Variants in RBP5 observed in about 807,000 individuals in gnomAD.
The protein encoded by RBP5 is retinol binding protein 5, also known as retinol-binding protein 5.
Under a neutral mutation model 17.8 loss-of-function variants are expected in RBP5, and 12 were observed. The ratio of observed to expected loss-of-function variants is 0.67; its 90% CI spans 0.43 to 1.09. The LOEUF (loss-of-function observed/expected upper bound fraction) is 1.09. Among genes scored for constraint, RBP5 ranks in the 50% least tolerant of loss-of-function variants. The pLI is 0.00. For missense variants in RBP5, 172 were observed against 169.4 expected, an observed-to-expected ratio of 1.02 and a Z score of -0.09; for synonymous variants, 64 against 68.1, an observed-to-expected ratio of 0.94 and a Z score of 0.30.
Position 7,128,737 on chromosome 12 carries a change from C to T in RBP5, c.39G>A (p.Ser13=), listed in dbSNP as rs76999457. ...GCAGGTAGTCCTCCATGTTCTTCTG[C>T]GAGACAAAGCGGTAGTAGCCAGTGA... ...PNLTGYYRFV[S]QKNMEDYLQA... Residue 13 remains serine, a synonymous_variant, in exon 1 of 4, where the codon TCG becomes TCA. Coordinates refer to ENST00000266560, the MANE Select transcript of RBP5 (RefSeq NM_031491.4). This position sits in a 1 kb window ranked among gnomAD's most constrained non-coding sequence, Gnocchi z 5.3. 1.1e-5 allele frequency: 18 copies of T among 1,604,382 alleles called. No individual in the cohort carries two copies. Among genetic ancestry groups the T allele is most frequent in the East Asian group, 2.2e-5 (1 of 44,528 alleles).
Position 7,124,587 on chromosome 12 carries a change from T to G in RBP5, c.354+42A>C, listed in dbSNP as rs901733053. The G allele has an allele frequency of 4.4e-6, 5 of 1,133,000 alleles. No homozygotes were observed. Among genetic ancestry groups the G allele is most frequent in the Non-Finnish European group, 5.4e-6 (4 of 745,780 alleles). The allele number at this position is 1,133,000 out of a possible 1,614,324, so 70.2% of individuals were successfully genotyped here. On this transcript the variant is annotated intron_variant, in intron 3 of 3. Transcript: ENST00000266560. This position sits in a 1 kb window ranked among gnomAD's most constrained non-coding sequence, Gnocchi z 5.3. ...TTTGGACAAGGGGATGCCTTATAGCTGGAGGCCCTTCTCCCAGACACCCAG... is the reference window on the plus strand; with the variant it reads ...TTTGGACAAGGGGATGCCTTATAGCGGGAGGCCCTTCTCCCAGACACCCAG...
chr12:7,118,238 C>A (rs1939030504), intron 3 of RBP5: 1 of 152,106 alleles, frequency 6.6e-6, no homozygotes. Flanking sequence ...GCTTTAGTTT[C>A]ATTAAGGGTG....
At chr12:7,126,512 T>TGGTG (rs1555167375) in intron 2 of RBP5, among the ~76,000 whole-genome samples, 427 of 100,556 alleles carry the variant, frequency 4.2e-3, no homozygotes, top group African/African-American at 6.4e-3. Flanking sequence ...GTGGTGGTGG[T>TGGTG]GTGTGTGTGT....
chr12:7,126,732 A>T (rs770305542), intron 2 of RBP5, among the ~76,000 whole-genome samples: 94 of 151,972 alleles, frequency 6.2e-4, no homozygotes, highest in African/African-American at 2.1e-3. Flanking sequence ...TGGTTCCAGG[A>T]CCCCCACCTC....
chr12:7,128,862 G>C lies in RBP5; in HGVS notation c.-87C>G. On this transcript the variant is annotated 5_prime_UTR_variant, in exon 1 of 4. Coordinates refer to ENST00000266560, the MANE Select transcript of RBP5 (RefSeq NM_031491.4). The surrounding 1 kb of genome is among the most constrained non-coding windows in gnomAD (Gnocchi z 5.3). ...TGGCAGGTGAGGCTGAGAGATTCCA[G>C]CCAGCTCCACACACAGAGACAGGAT... 9.4e-7 allele frequency: 1 copy of C among 1,064,872 alleles called. No homozygotes were observed. The allele number at this position is 1,064,872 out of a possible 1,614,324, so 66.0% of individuals were successfully genotyped here.
At chr12:7,116,361 C>T (rs1939004543) in exon 4 of RBP5, 1 of 152,284 alleles carries the variant, frequency 6.6e-6, no homozygotes, top group Admixed American at 6.5e-5. Context: ...GCTGCTCTGT[C>T]CTCCACAGAA....
Position 7,128,199 on chromosome 12 carries a change from G to A in RBP5, c.252+41C>T, listed in dbSNP as rs1363478192. 5 of 1,570,412 alleles carry A rather than the reference G, an allele frequency of 3.2e-6. No homozygotes were observed. Among genetic ancestry groups the A allele is most frequent in the Admixed American group, 1.8e-5 (1 of 57,072 alleles). On this transcript the variant is annotated intron_variant, in intron 2 of 3. Transcript: ENST00000266560. This position sits in a 1 kb window ranked among gnomAD's most constrained non-coding sequence, Gnocchi z 5.3. ...CCCCATGTTGTTAGGAGTCTCCTGT[G>A]ATGCCTCCTTCCGGCCACCGCCCAG...
intron 2 of RBP5, chr12:7,127,802 C>T (rs1939200027): frequency 7.4e-6 from 5 of 680,182 alleles, no homozygotes. Context: ...GAACAAAACT[C>T]TGCGGAGAAA....
At position 7,124,194 on chromosome 12, in the gene RBP5, G is replaced by T. The variant is rs376018234; in HGVS notation, c.355-20C>A. On this transcript the variant is annotated intron_variant, in intron 3 of 3. Transcript: ENST00000266560. This position sits in a 1 kb window ranked among gnomAD's most constrained non-coding sequence, Gnocchi z 5.3. ...CAGTTCCTGGGGAGAGAGGGGAAGT[G>T]AGGGGGAGAGAGAAAGAGGGCGTTT... The T allele has an allele frequency of 1.7e-5, 27 of 1,613,440 alleles. No individual in the cohort carries two copies. Among genetic ancestry groups the T allele is most frequent in the Non-Finnish European group, 2.0e-5 (24 of 1,179,598 alleles).
chr12:7,129,128 A>C (rs1353785566), upstream of RBP5: 1 of 305,230 alleles, frequency 3.3e-6, no homozygotes, highest in African/African-American at 2.2e-5. The surrounding 1 kb of genome is among the most constrained non-coding windows in gnomAD (Gnocchi z 5.5). Context: ...AGTCATCCAA[A>C]ACTCAGCCAT....
rs781549984 is a variant in RBP5 at position 7,123,887 on chromosome 12, G to A, written c.*234C>T. ...TTTGCCTGCTTCTTTCATTTGGGAC[G>A]CCAGACCTTGACCTGGAAGTGAGGT... On this transcript the variant is annotated 3_prime_UTR_variant, in exon 4 of 4. Transcript: ENST00000266560. 3.2e-5 allele frequency: 16 copies of A among 497,554 alleles called. No homozygotes were observed. Among genetic ancestry groups the A allele is most frequent in the African/African-American group, 5.7e-5 (3 of 52,294 alleles). The allele number at this position is 497,554 out of a possible 1,614,324, so 30.8% of individuals were successfully genotyped here.
Position 7,128,591 on chromosome 12 carries a change from G to T in RBP5, c.73+112C>A. The stretch of plus-strand genomic sequence containing the variant: ...CCCAGGTCTGGTGCCAGCCGCCTGA[G>T]CCTTTCCACAGTGTCCAACCCCGGG... On this transcript the variant is annotated intron_variant, in intron 1 of 3. Transcript: ENST00000266560. The surrounding 1 kb of genome is among the most constrained non-coding windows in gnomAD (Gnocchi z 5.3). 2 of 1,234,000 alleles carry T rather than the reference G, an allele frequency of 1.6e-6. No homozygotes were observed. The highest frequency in any genetic ancestry group is 2.3e-6 in the Non-Finnish European group (2 of 859,514). The allele number at this position is 1,234,000 out of a possible 1,614,324, so 76.4% of individuals were successfully genotyped here.
At chr12:7,127,650 T>C (rs1490628107) in intron 2 of RBP5, 1 of 702,212 alleles carries the variant, frequency 1.4e-6, no homozygotes, top group African/African-American at 1.7e-5. Context: ...TTGTAGGCAG[T>C]TGAAAACATT....
In RBP5 at chr12:7,126,513, GTGTGTGTGTGTGTGTGTGTGTGT is replaced by G. The variant is rs748190731; in HGVS notation, c.252+1704_252+1726del. Among the ~76,000 whole-genome samples, 637 of 121,544 alleles carry G rather than the reference GTGTGTGTGTGTGTGTGTGTGTGT, an allele frequency of 5.2e-3. 1 individual carries two copies. Among genetic ancestry groups the G allele is most frequent in the African/African-American group, 0.018 (579 of 32,624 alleles). 79.7% of individuals were successfully genotyped at this position (121,544 alleles called of 152,430 possible). A position where few individuals can be genotyped will look rare whatever the true frequency, so the allele number is the denominator to read the frequency against. On this transcript the variant is annotated intron_variant, in intron 2 of 3. Coordinates refer to ENST00000266560, the MANE Select transcript of RBP5 (RefSeq NM_031491.4). ...ATGTGGTGGTGGTGGTGGTGGTGGT[GTGTGTGTGTGTGTGTGTGTGTGT>G]GTGTGTGTGTGTGTGTGTGTGTGCT...
At chr12:7,126,344 CTTTT>C (rs890078638) in intron 2 of RBP5, among the ~76,000 whole-genome samples, 1 of 152,126 alleles carries the variant, frequency 6.6e-6, no homozygotes, top group Admixed American at 6.5e-5. Flanking sequence ...CGAAATGCTT[CTTTT>C]TATTTGGCAT....
chr12:7,126,081 A>AAC (rs1555167351), intron 2 of RBP5, among the ~76,000 whole-genome samples: 8 of 147,682 alleles, frequency 5.4e-5, no homozygotes, highest in Admixed American at 4.0e-4. Context: ...AAAAAAAAAA[A>AAC]ACACAAAAAC....
In RBP5 at chr12:7,128,106, C is replaced by T; in HGVS notation, c.252+134G>A. On this transcript the variant is annotated intron_variant, in intron 2 of 3. Coordinates refer to ENST00000266560, the MANE Select transcript of RBP5 (RefSeq NM_031491.4). The surrounding 1 kb of genome is among the most constrained non-coding windows in gnomAD (Gnocchi z 5.3). The stretch of plus-strand genomic sequence containing the variant: ...CTGGAGACTGGTATCCTGGGGACTG[C>T]ATTCCCTGCTGTGGTGACCATTCCC... 1 of 724,514 alleles carries T rather than the reference C, an allele frequency of 1.4e-6. No individual in the cohort carries two copies. Among genetic ancestry groups the T allele is most frequent in the Non-Finnish European group, 2.2e-6 (1 of 447,704 alleles). 44.9% of individuals were successfully genotyped at this position (724,514 alleles called of 1,614,324 possible). A position where few individuals can be genotyped will look rare whatever the true frequency, so the allele number is the denominator to read the frequency against.
chr12:7,126,507 GGTGGTGTGTGT>G (rs1459638678), intron 2 of RBP5, among the ~76,000 whole-genome samples: 8 of 29,812 alleles, frequency 2.7e-4, no homozygotes, highest in African/African-American at 1.0e-3. Context: ...TGGTGGTGGT[GGTGGTGTGTGT>G]GTGTGTGTGT....
chr12:7,119,201 T>TGG (rs71067155), downstream of RBP5, among the ~76,000 whole-genome samples: 2 of 115,094 alleles, frequency 1.7e-5, no homozygotes, highest in Non-Finnish European at 3.8e-5. Context: ...CTGTGGGGGA[T>TGG]GGGGGGGGGT....
Sources: gnomAD v4.1 joint callset for allele counts (sites outside exome capture counted in the v4.1 genomes callset) on GRCh38, gnomAD v4.1.1 for gene constraint, Gnocchi (gnomAD v3.1) non-coding constraint, MANE v1.5 for transcripts, NCBI Gene and HGNC (gene_info 2026-07-23, HGNC 2026-07-21) for gene names.